The following MYPN variants were observed in gnomAD, a reference collection of about 807,000 sequenced individuals.
MYPN encodes the protein myopalladin.
In MYPN, 63 loss-of-function variants were observed where a neutral mutation model predicts 129.4. That is an observed-to-expected ratio of 0.49 (90% confidence interval 0.40 to 0.60). The LOEUF (loss-of-function observed/expected upper bound fraction) is 0.60, where lower values mean the gene tolerates loss of function less well. Among genes scored for constraint, MYPN ranks in the 20% least tolerant of loss-of-function variants. MYPN has a pLI of 0.00. For missense variants in MYPN, 1,596 were observed against 1,635.4 expected (o/e 0.98, Z 0.42); for synonymous variants, 629 against 600.9 (o/e 1.05, Z -0.68).
intron 7 of MYPN, among the ~76,000 whole-genome samples, chr10:68,158,964 G>A (rs12146333): frequency 3.3e-5 from 5 of 150,996 alleles, no homozygotes; most frequent in Non-Finnish European, 4.4e-5. Flanking sequence ...GCAGTGGCAC[G>A]ATCTTGGCTC....
chr10:68,175,402 G>A lies in MYPN; in HGVS notation c.2644G>A (p.Ala882Thr), dbSNP rs199476411. The A allele has an allele frequency of 8.7e-6, 14 of 1,613,980 alleles. No homozygotes were observed. Among genetic ancestry groups the A allele is most frequent in the African/African-American group, 5.3e-5 (4 of 74,910 alleles). ...NDDNIRETKNAVIRDLGKKIT... is the reference protein window; with the variant it reads ...NDDNIRETKNTVIRDLGKKIT... ...TGATAACATTCGTGAAACTAAGAAC[G>A]CAGTGATTCGAGACTTGGGGAAAAA... Residue 882 changes from alanine to threonine, a missense_variant, in exon 12 of 20, where the codon GCA becomes ACA. Ala to Thr is a moderately conservative substitution (Grantham distance 58). Transcript: ENST00000358913.
chr10:68,109,409 C>A, upstream of MYPN: 2 of 423,442 alleles, frequency 4.7e-6, no homozygotes, highest in South Asian at 1.7e-5. Flanking sequence ...AATCCCTTTG[C>A]TCAGTTTTCT....
intron 2 of MYPN, among the ~76,000 whole-genome samples, chr10:68,131,915 AC>A (rs2042417431): frequency 6.6e-6 from 1 of 152,146 alleles, no homozygotes; most frequent in African/African-American, 2.4e-5. Context: ...CCTTTGGAGG[AC>A]TTTTCCTCAT....
upstream of MYPN, among the ~76,000 whole-genome samples, chr10:68,108,776 C>T (rs2042042842): frequency 6.6e-6 from 1 of 151,992 alleles, no homozygotes; most frequent in Non-Finnish European, 1.5e-5. Context: ...TGTTGGAATG[C>T]AGTAGCGTGA....
At position 68,182,441 on chromosome 10, in the gene MYPN, CAT is replaced by C. The variant is rs1288594645; in HGVS notation, c.2704-6456_2704-6455del. ...ACATATATATAACACATATATATAA[CAT>C]ATATATAACATATATATATAACATA... On this transcript the variant is annotated intron_variant, in intron 12 of 19. Coordinates refer to ENST00000358913, the MANE Select transcript of MYPN (RefSeq NM_032578.4). Among the ~76,000 whole-genome samples, 8 of 113,790 alleles carry C rather than the reference CAT, an allele frequency of 7.0e-5. 1 individual carries two copies. The highest frequency in any genetic ancestry group is 1.3e-4 in the Non-Finnish European group (7 of 55,642). The allele number at this position is 113,790 out of a possible 152,430, so 74.7% of individuals were successfully genotyped here. A position where few individuals can be genotyped will look rare whatever the true frequency, so the allele number is the denominator to read the frequency against.
chr10:68,169,064 G>A (rs112390625), intron 10 of MYPN, among the ~76,000 whole-genome samples: 6,907 of 146,658 alleles, frequency 0.047, 184 homozygotes, highest in South Asian at 0.069. Flanking sequence ...GTGACTTTCC[G>A]GCCAGGCATG....
rs985646766 is a variant in MYPN at position 68,211,558 on chromosome 10, G to A, written c.*1103G>A. ...GCTAGGTGGAAAAGTTGGGAGAAAG[G>A]GGAATATGCATCTTTATTCTAATCA... On this transcript the variant is annotated 3_prime_UTR_variant, in exon 20 of 20. Coordinates refer to ENST00000358913, the MANE Select transcript of MYPN (RefSeq NM_032578.4). 1.1e-5 allele frequency: 5 copies of A among 453,892 alleles called. No individual in the cohort carries two copies. Among genetic ancestry groups the A allele is most frequent in the Non-Finnish European group, 2.2e-5 (5 of 226,776 alleles). 28.1% of individuals were successfully genotyped at this position (453,892 alleles called of 1,614,324 possible). A position where few individuals can be genotyped will look rare whatever the true frequency, so the allele number is the denominator to read the frequency against.
In MYPN at chr10:68,188,957, G is replaced by T. The variant is rs193022869; in HGVS notation, c.2756G>T (p.Arg919Leu). The T allele has an allele frequency of 6.2e-6, 10 of 1,614,056 alleles. No individual in the cohort carries two copies. In the African/African-American group the frequency reaches 9.3e-5, roughly 15 times the overall value. ...AGGCTGATGAATGAAATAGAGTTTC[G>T]CTTGGAACGTACTCCTGTTGATGAA... is the stretch of plus-strand genomic sequence containing the variant. ...EQRLMNEIEF[R>L]LERTPVDESD... The change falls in exon 13 of 20, where the codon CGC becomes CTC. Residue 919 changes from arginine to leucine, a missense_variant. Transcript: ENST00000358913.
chr10:68,207,049 G>A lies in MYPN; in HGVS notation c.3793+146G>A, dbSNP rs185739139. 387 of 983,216 alleles carry A rather than the reference G, an allele frequency of 3.9e-4. 3 individuals carry two copies. The African/African-American group carries it at 5.5e-3, about 14-fold the overall frequency. 60.9% of individuals were successfully genotyped at this position (983,216 alleles called of 1,614,324 possible). On this transcript the variant is annotated intron_variant, in intron 19 of 19. Coordinates refer to ENST00000358913, the MANE Select transcript of MYPN (RefSeq NM_032578.4). ...GAGGCAGGCAGATCACCTGAGGTCA[G>A]GAGTTCAAGACCAGCCTGGTCAACG...
intron 12 of MYPN, among the ~76,000 whole-genome samples, chr10:68,182,474 ACACACACACACACACACACAC>A (rs1589597015): frequency 1.4e-5 from 2 of 139,804 alleles, no homozygotes; most frequent in African/African-American, 2.6e-5. Flanking sequence ...ACATATATAC[ACACACACACACACACACACAC>A]ACATATATAT....
At chr10:68,179,837 G>A (rs2043286725) in intron 12 of MYPN, among the ~76,000 whole-genome samples, 1 of 151,956 alleles carries the variant, frequency 6.6e-6, no homozygotes, top group Non-Finnish European at 1.5e-5. Context: ...CTTATTTGTA[G>A]TTTTTTTAAT....
upstream of MYPN, among the ~76,000 whole-genome samples, chr10:68,107,336 CTT>C (rs1157740156): frequency 7.5e-6 from 1 of 132,822 alleles, no homozygotes; most frequent in African/African-American, 2.9e-5. Flanking sequence ...TTTGGCTTCT[CTT>C]TTCTTTTTTT....
chr10:68,161,894 G>A (rs1391221144), intron 8 of MYPN, 142 bp downstream of exon 8: 2 of 642,626 alleles, frequency 3.1e-6, no homozygotes, highest in Non-Finnish European at 5.3e-6. Context: ...CGGGTGCAGT[G>A]GCTCATGTCT....
intron 2 of MYPN, chr10:68,136,632 G>T: frequency 1.3e-6 from 2 of 1,532,820 alleles, no homozygotes; most frequent in South Asian, 1.2e-5. Flanking sequence ...ATCTGAGTAA[G>T]GACAAAAACA....
intron 2 of MYPN, among the ~76,000 whole-genome samples, chr10:68,129,684 C>T (rs866177716): frequency 1.6e-4 from 24 of 152,168 alleles, no homozygotes; most frequent in African/African-American, 5.3e-4. Flanking sequence ...ACATTCCCAC[C>T]GACATTGTGT....
intron 13 of MYPN, 41 bp from the exon 14 acceptor site, chr10:68,194,316 CTAAAGA>C: frequency 1.2e-6 from 2 of 1,603,494 alleles, no homozygotes; most frequent in Non-Finnish European, 1.7e-6. Context: ...TCATTAACCT[CTAAAGA>C]TAAACAAAAC....
intron 2 of MYPN, 36 bp from the exon 3 acceptor site, chr10:68,142,904 G>C: frequency 6.3e-7 from 1 of 1,599,750 alleles, no homozygotes. Context: ...TCTTGCATTT[G>C]AGTCATGTCC....
intron 15 of MYPN, 33 bp downstream of exon 15, chr10:68,195,565 C>A: frequency 1.3e-6 from 2 of 1,561,118 alleles, no homozygotes; most frequent in African/African-American, 1.4e-5. Context: ...CTCTCTAGGC[C>A]CTTCCCAAGC....
chr10:68,094,269 A>AT (rs914447340), intron 1 of MYPN, among the ~76,000 whole-genome samples: 68 of 146,072 alleles, frequency 4.7e-4, no homozygotes, highest in Middle Eastern at 3.5e-3. Flanking sequence ...TTTTTAATTA[A>AT]TTTTTTTTTT....
Sources: allele counts gnomAD v4.1 joint callset (sites outside exome capture counted in the v4.1 genomes callset), GRCh38; gene constraint gnomAD v4.1.1; transcripts MANE v1.5; gene names NCBI Gene and HGNC (gene_info 2026-07-23, HGNC 2026-07-21).